The following ANKRD36B variants were observed in gnomAD, a reference collection of about 807,000 sequenced individuals.
ANKRD36B encodes the protein ankyrin repeat domain 36B, also known as ankyrin repeat domain-containing protein 36B.
A neutral mutation model predicts 135.7 loss-of-function variants in ANKRD36B; 37 were observed. The ratio of observed to expected loss-of-function variants is 0.27; its 90% CI spans 0.21 to 0.36. The LOEUF (loss-of-function observed/expected upper bound fraction) is 0.36. Ranked by LOEUF, ANKRD36B falls within the 10% of genes least tolerant of loss-of-function variation. ANKRD36B has a pLI of 1.00. For missense variants in ANKRD36B, 549 were observed against 1,037.1 expected, an observed-to-expected ratio of 0.53 and a Z score of 6.46; for synonymous variants, 179 against 348.1, an observed-to-expected ratio of 0.51 and a Z score of 5.41.
intron 6 of ANKRD36B, among the ~76,000 whole-genome samples, chr2:97,573,969 T>C (rs2082059032): frequency 1.3e-5 from 2 of 152,168 alleles, no homozygotes; most frequent in African/African-American, 4.8e-5. Context: ...ATTCAGGACA[T>C]AGGCATGGGC....
intron 3 of ANKRD36B, among the ~76,000 whole-genome samples, chr2:97,584,277 T>C: frequency 8.3e-6 from 1 of 120,072 alleles, no homozygotes; most frequent in Non-Finnish European, 1.6e-5. Context: ...ACTCACAAAC[T>C]CTTTCCCAAA....
intron 14 of ANKRD36B, among the ~76,000 whole-genome samples, chr2:97,554,495 A>G (rs916779430): frequency 1.4e-4 from 22 of 152,046 alleles, no homozygotes; most frequent in African/African-American, 2.4e-4. Context: ...TTTTTTGTGT[A>G]AATATGCTAA....
chr2:97,556,290 T>C (rs1382360492), intron 12 of ANKRD36B, among the ~76,000 whole-genome samples: 1 of 151,894 alleles, frequency 6.6e-6, no homozygotes, highest in Non-Finnish European at 1.5e-5. Context: ...AATGAGGCAC[T>C]GTGGTTTATC....
chr2:97,548,378 C>T (rs1348030150), intron 20 of ANKRD36B, among the ~76,000 whole-genome samples: 1 of 151,952 alleles, frequency 6.6e-6, no homozygotes, highest in Non-Finnish European at 1.5e-5. Context: ...AAAGTTTCTT[C>T]ATCCAGTCGT....
At chr2:97,565,801 T>A (rs574308184) in intron 6 of ANKRD36B, among the ~76,000 whole-genome samples, 4 of 152,190 alleles carry the variant, frequency 2.6e-5, no homozygotes, top group Non-Finnish European at 5.9e-5. Flanking sequence ...TGGTGATTCC[T>A]CAAGGATCTA....
chr2:97,528,327 C>T (rs2078341092), intron 35 of ANKRD36B, among the ~76,000 whole-genome samples: 1 of 93,946 alleles, frequency 1.1e-5, no homozygotes, highest in African/African-American at 3.2e-5. Context: ...GAAATGAAGG[C>T]AGAAATAAAG....
In ANKRD36B at chr2:97,534,248, T is replaced by C. The variant is rs2078751332; in HGVS notation, c.2192-1864A>G. On this transcript the variant is annotated intron_variant, in intron 34 of 43. Transcript: ENST00000359901. ...TGTTTCTAAAATTAGTTCGATTTGA[T>C]ATACCATGCTAATCTCTAAGGCACT... Among the ~76,000 whole-genome samples the C allele has an allele frequency of 2.1e-5, 2 of 95,408 alleles. 1 individual carries two copies. Among genetic ancestry groups the C allele is most frequent in the African/African-American group, 6.3e-5 (2 of 31,928 alleles). 62.6% of individuals were successfully genotyped at this position (95,408 alleles called of 152,430 possible).
At chr2:97,578,421 C>G (rs971391645) in intron 5 of ANKRD36B, among the ~76,000 whole-genome samples, 2 of 152,046 alleles carry the variant, frequency 1.3e-5, no homozygotes, top group Admixed American at 1.3e-4. Flanking sequence ...GTCCTTTCCC[C>G]TTCTCCTTCT....
chr2:97,567,179 CA>C (rs2081503361), intron 6 of ANKRD36B, among the ~76,000 whole-genome samples: 1 of 151,226 alleles, frequency 6.6e-6, no homozygotes. Context: ...GGGAAAGTAA[CA>C]TGCTTCCATG....
intron 8 of ANKRD36B, among the ~76,000 whole-genome samples, chr2:97,559,401 G>T (rs1226872016): frequency 6.6e-6 from 1 of 151,800 alleles, no homozygotes; most frequent in African/African-American, 2.4e-5. Flanking sequence ...TACTACAGAT[G>T]TTCATTATGC....
chr2:97,555,284 C>T, intron 12 of ANKRD36B, 30 bp from the exon 13 acceptor site: 1 of 1,609,702 alleles, frequency 6.2e-7, no homozygotes, highest in Non-Finnish European at 8.5e-7. Flanking sequence ...CATAATCACT[C>T]ATATGTAAAT....
At chr2:97,556,684 C>T (rs1479026219) in intron 12 of ANKRD36B, among the ~76,000 whole-genome samples, 4 of 151,892 alleles carry the variant, frequency 2.6e-5, no homozygotes, top group African/African-American at 4.8e-5. Flanking sequence ...CCCTGATCCT[C>T]TTATGTCTTC....
rs2078103694 is a variant in ANKRD36B at position 97,524,773 on chromosome 2, G to A, written c.2266-1306C>T. 6 of 97,124 alleles carry A rather than the reference G, an allele frequency of 6.2e-5. 1 individual carries two copies. The South Asian group carries it at 1.4e-3, about 22-fold the overall frequency. The allele number at this position is 97,124 out of a possible 1,614,324, so 6.0% of individuals were successfully genotyped here. On this transcript the variant is annotated intron_variant, in intron 35 of 43. Coordinates refer to ENST00000359901, the MANE Select transcript of ANKRD36B (RefSeq NM_001393939.1). ...ACTGAAACTCTACTTTAACTTATTT[G>A]TGATGAATTTTAAAGTTTTTTTACC...
At chr2:97,511,023 TATC>T in intron 39 of ANKRD36B, 112 bp downstream of exon 39, 1 of 481,158 alleles carries the variant, frequency 2.1e-6, no homozygotes, top group Non-Finnish European at 3.8e-6. Context: ...CAGATATATT[TATC>T]ATATGTATCC....
At position 97,525,518 on chromosome 2, in the gene ANKRD36B, G is replaced by A. The variant is rs561343819; in HGVS notation, c.2266-2051C>T. Among the ~76,000 whole-genome samples the A allele has an allele frequency of 3.1e-5, 3 of 96,194 alleles. 1 individual carries two copies. The highest frequency in any genetic ancestry group is 8.3e-5 in the Non-Finnish European group (3 of 36,088). The allele number at this position is 96,194 out of a possible 152,430, so 63.1% of individuals were successfully genotyped here. ...TCTGCATTTCCATCTGAGGTACCAG[G>A]TTCATCTCACTAGGGAGTGCCAGAC... On this transcript the variant is annotated intron_variant, in intron 35 of 43. Transcript: ENST00000359901.
chr2:97,528,377 C>A (rs2078344381), intron 35 of ANKRD36B, among the ~76,000 whole-genome samples: 2 of 93,810 alleles, frequency 2.1e-5, no homozygotes, highest in South Asian at 4.9e-4. Flanking sequence ...CACAACATAC[C>A]AGAATCTCTG....
rs759966582 is a variant in ANKRD36B, at chr2:97,538,159, C to T, written c.2089+9G>A. On this transcript the variant is annotated intron_variant, in intron 32 of 43. Coordinates refer to ENST00000359901, the MANE Select transcript of ANKRD36B (RefSeq NM_001393939.1). ...TGCACATGACATTAAATGTATATTGCCAAATTACCTGTTCCAGATTTCCCA... is the reference window on the plus strand; with the variant it reads ...TGCACATGACATTAAATGTATATTGTCAAATTACCTGTTCCAGATTTCCCA... The T allele has an allele frequency of 8.0e-6, 8 of 996,576 alleles. No homozygotes were observed. The South Asian group carries it at 9.8e-5, about 12-fold the overall frequency. The allele number at this position is 996,576 out of a possible 1,614,324, so 61.7% of individuals were successfully genotyped here. A position where few individuals can be genotyped will look rare whatever the true frequency, so the allele number is the denominator to read the frequency against.
intron 1 of ANKRD36B, among the ~76,000 whole-genome samples, 192 bp downstream of exon 1, chr2:97,589,333 A>C: frequency 4.2e-5 from 1 of 23,628 alleles, no homozygotes. Context: ...AACTCACTCC[A>C]CACCCCGCCA....
At chr2:97,573,394 C>T (rs13005018) in intron 6 of ANKRD36B, among the ~76,000 whole-genome samples, 84,066 of 151,312 alleles carry the variant, frequency 0.56, 24,912 homozygotes, top group Non-Finnish European at 0.67. Context: ...AAAGAGGATA[C>T]AAACAAATGG....
Sources: gnomAD v4.1 joint callset for allele counts (sites outside exome capture counted in the v4.1 genomes callset) on GRCh38, gnomAD v4.1.1 for gene constraint, MANE v1.5 for transcripts, NCBI Gene and HGNC (gene_info 2026-07-23, HGNC 2026-07-21) for gene names.